The following CELF2 variants were observed in gnomAD, a reference collection of about 807,000 sequenced individuals.
The protein encoded by CELF2 is CUGBP Elav-like family member 2.
CELF2 carries 8 observed loss-of-function variants against 62.6 expected under a neutral mutation model. The observed-to-expected ratio is 0.13, with a 90% CI of 0.07 to 0.23. The LOEUF is 0.23. CELF2 is among the 10% of genes least tolerant of loss of function. CELF2 has a pLI of 1.00. For synonymous variants in CELF2, 258 were observed against 250.0 expected (o/e 1.03, Z -0.30); for missense variants, 333 against 671.0 (o/e 0.50, Z 5.56).
the CELF2 span, among the ~76,000 whole-genome samples, chr10:10,526,016 G>A: frequency 2.6e-5 from 4 of 152,106 alleles, no homozygotes; most frequent in Non-Finnish European, 5.9e-5. Flanking sequence ...CCATTCTAAC[G>A]GGTGCGAGGT....
At chr10:10,603,726 G>A in the CELF2 span, among the ~76,000 whole-genome samples, 2 of 151,898 alleles carry the variant, frequency 1.3e-5, no homozygotes, top group Non-Finnish European at 2.9e-5. Context: ...ATTACAGAAA[G>A]TAGTGAGATC....
intron 9 of CELF2, among the ~76,000 whole-genome samples, chr10:11,310,289 G>A (rs895812473): frequency 2.6e-5 from 4 of 152,156 alleles, no homozygotes; most frequent in African/African-American, 9.7e-5. Flanking sequence ...GCTGTGGGAA[G>A]AGGTAGCCCC....
the CELF2 span, among the ~76,000 whole-genome samples, chr10:10,640,167 C>T: frequency 6.6e-6 from 1 of 152,224 alleles, no homozygotes; most frequent in Non-Finnish European, 1.5e-5. Flanking sequence ...ATATCTGTCT[C>T]ACCAGTGATA....
intron 1 of CELF2, among the ~76,000 whole-genome samples, chr10:10,811,664 A>T (rs971138154): frequency 6.6e-6 from 1 of 152,196 alleles, no homozygotes; most frequent in African/African-American, 2.4e-5. Context: ...GGCCTGTGTC[A>T]GGTATTGGCT....
chr10:11,018,524 G>GC (rs923374063), intron 1 of CELF2, among the ~76,000 whole-genome samples: 1 of 151,370 alleles, frequency 6.6e-6, no homozygotes, highest in African/African-American at 2.4e-5. Flanking sequence ...GGACCCGCGA[G>GC]CAGGGTGAGC....
chr10:10,820,122 G>A (rs953690638), intron 1 of CELF2, among the ~76,000 whole-genome samples: 54 of 152,078 alleles, frequency 3.6e-4, no homozygotes, highest in African/African-American at 1.2e-3. Context: ...TTTTTCTCTT[G>A]CCACCACCAT....
intron 1 of CELF2, among the ~76,000 whole-genome samples, chr10:11,085,014 A>G (rs1241004329): frequency 1.3e-5 from 2 of 152,196 alleles, no homozygotes; most frequent in Non-Finnish European, 2.9e-5. Context: ...ATTTCTACAA[A>G]TACTCTGGCT....
Position 11,159,371 on chromosome 10 carries a change from A to G in CELF2, c.75-6115A>G, listed in dbSNP as rs1361442086. ...AACTCTGCCCTGCCGAAAGGCAGTCATGGAAGACAGACGCGTTTTTCATGA... is the reference window on the plus strand; with the variant it reads ...AACTCTGCCCTGCCGAAAGGCAGTCGTGGAAGACAGACGCGTTTTTCATGA... On this transcript the variant is annotated intron_variant, in intron 1 of 12. Coordinates refer to ENST00000633077, the MANE Select transcript of CELF2 (RefSeq NM_001326342.2). The surrounding 1 kb of genome is among the most constrained non-coding windows in gnomAD (Gnocchi z 5.0). 1.3e-5 allele frequency among the ~76,000 whole-genome samples: 2 copies of G among 152,262 alleles called. No homozygotes were observed. Among genetic ancestry groups the G allele is most frequent in the African/African-American group, 2.4e-5 (1 of 41,470 alleles).
rs1345301914 is a variant in CELF2 at position 11,276,468 on chromosome 10, T to A, written c.841+1348T>A. Among the ~76,000 whole-genome samples, 2 of 152,244 alleles carry A rather than the reference T, an allele frequency of 1.3e-5. 1 individual carries two copies. Among genetic ancestry groups the A allele is most frequent in the South Asian group, 4.1e-4 (2 of 4,838 alleles). On this transcript the variant is annotated intron_variant, in intron 8 of 12. Transcript: ENST00000633077. ...CCTTGGAGCTAAGAATCACATTGAA[T>A]GGTTAATTTATTTTTAATTCTATGA... is the stretch of plus-strand genomic sequence containing the variant.
chr10:10,902,293 T>C (rs932128914), intron 1 of CELF2, among the ~76,000 whole-genome samples: 1 of 152,214 alleles, frequency 6.6e-6, no homozygotes, highest in African/African-American at 2.4e-5. Context: ...TGTACATGAA[T>C]GTTCATAGCA....
At chr10:11,258,405 G>A (rs1279635142) in intron 5 of CELF2, among the ~76,000 whole-genome samples, 1 of 152,182 alleles carries the variant, frequency 6.6e-6, no homozygotes, top group Non-Finnish European at 1.5e-5. Flanking sequence ...AAAACTCCTG[G>A]AGTCCTGAGC....
intron 8 of CELF2, among the ~76,000 whole-genome samples, chr10:11,276,639 G>A (rs2086234687): frequency 6.6e-6 from 1 of 152,174 alleles, no homozygotes. Flanking sequence ...GCATAGTATG[G>A]ACTCACCAGG....
chr10:10,978,474 T>C (rs2051636445), intron 2 of CELF2, among the ~76,000 whole-genome samples: 1 of 152,234 alleles, frequency 6.6e-6, no homozygotes, highest in Non-Finnish European at 1.5e-5. Flanking sequence ...AGAACAGATA[T>C]AGCCCATGTA....
the CELF2 span, among the ~76,000 whole-genome samples, chr10:10,600,237 C>A: frequency 6.6e-6 from 1 of 152,184 alleles, no homozygotes; most frequent in African/African-American, 2.4e-5. Flanking sequence ...TGGGCGTTTG[C>A]AAAGCAAGGT....
chr10:10,693,973 C>G, the CELF2 span, among the ~76,000 whole-genome samples: 104 of 151,560 alleles, frequency 6.9e-4, no homozygotes, highest in East Asian at 0.016. Flanking sequence ...CTCCTGGATT[C>G]ATTAATTTTT....
chr10:10,557,675 G>A, the CELF2 span, among the ~76,000 whole-genome samples: 1 of 151,646 alleles, frequency 6.6e-6, no homozygotes, highest in Admixed American at 6.6e-5. Context: ...AGCATGGAAT[G>A]TTCTTCCATT....
chr10:10,907,399 TAA>T (rs1254983411), intron 1 of CELF2, among the ~76,000 whole-genome samples: 1 of 152,202 alleles, frequency 6.6e-6, no homozygotes, highest in Non-Finnish European at 1.5e-5. Context: ...CTTCACCTTT[TAA>T]AAAAAGTTTT....
At chr10:11,262,181 C>T (rs1385201244) in intron 5 of CELF2, among the ~76,000 whole-genome samples, 1 of 152,126 alleles carries the variant, frequency 6.6e-6, no homozygotes, top group South Asian at 2.1e-4. Context: ...GCAATATTTT[C>T]AGGGATGTTG....
At chr10:10,547,924 C>T in the CELF2 span, among the ~76,000 whole-genome samples, 1 of 152,150 alleles carries the variant, frequency 6.6e-6, no homozygotes, top group East Asian at 1.9e-4. Flanking sequence ...GCCCAATGCA[C>T]AGATGAACAC....
Sources: gnomAD v4.1 joint callset for allele counts (sites outside exome capture counted in the v4.1 genomes callset) on GRCh38, gnomAD v4.1.1 for gene constraint, Gnocchi (gnomAD v3.1) non-coding constraint, MANE v1.5 for transcripts, NCBI Gene and HGNC (gene_info 2026-07-23, HGNC 2026-07-21) for gene names.